ST6GALNAC5: variants seen among roughly 807,000 people sequenced by gnomAD.
ST6GALNAC5 encodes the protein alpha-N-acetylgalactosaminide alpha-2,6-sialyltransferase 5.
A neutral mutation model predicts 33.6 loss-of-function variants in ST6GALNAC5; 27 were observed. The ratio of observed to expected loss-of-function variants is 0.80; its 90% confidence interval spans 0.59 to 1.11. The LOEUF (loss-of-function observed/expected upper bound fraction) is 1.11, where lower values mean the gene tolerates loss of function less well. ST6GALNAC5 is among the 50% of genes least tolerant of loss of function. The probability of loss-of-function intolerance (pLI) is 0.00; values close to 1 mark genes in which losing one functional copy is unlikely to be tolerated. For synonymous variants in ST6GALNAC5, 194 were observed against 171.2 expected, an observed-to-expected ratio of 1.13 and a Z score of -1.04; for missense variants, 428 against 454.0, an observed-to-expected ratio of 0.94 and a Z score of 0.52.
At chr1:76,914,190 G>C (rs941639608) in intron 2 of ST6GALNAC5, among the ~76,000 whole-genome samples, 2 of 152,090 alleles carry the variant, frequency 1.3e-5, no homozygotes, top group African/African-American at 4.8e-5. Context: ...AAATCAAAGA[G>C]GATACAAACA....
intron 2 of ST6GALNAC5, among the ~76,000 whole-genome samples, chr1:76,965,623 T>C (rs1023539649): frequency 5.9e-5 from 9 of 152,364 alleles, no homozygotes; most frequent in Middle Eastern, 3.4e-3. Context: ...TAGATCCCAT[T>C]TATCCAGTTT....
Position 76,966,081 on chromosome 1 carries a change from G to A in ST6GALNAC5, c.262-78123G>A, listed in dbSNP as rs78889415. 7.5e-3 allele frequency among the ~76,000 whole-genome samples: 1,138 copies of A among 152,254 alleles called. 11 individuals carry two copies. The highest frequency in any genetic ancestry group is 0.013 in the Non-Finnish European group (871 of 68,010). On this transcript the variant is annotated intron_variant, in intron 2 of 4. Transcript: ENST00000477717. ...GTTCTTTTTGCTTAGGATTGTCTTGGCAATGTGGGCTCCTTTTTGGATCCA... is the reference window on the plus strand; with the variant it reads ...GTTCTTTTTGCTTAGGATTGTCTTGACAATGTGGGCTCCTTTTTGGATCCA...
intron 3 of ST6GALNAC5, among the ~76,000 whole-genome samples, chr1:77,048,023 C>T (rs183712628): frequency 4.3e-4 from 65 of 152,214 alleles, no homozygotes; most frequent in Admixed American, 6.5e-4. Flanking sequence ...AGCACGTGAC[C>T]CCAGAAGGCT....
At chr1:77,044,139 T>C (rs748268089) in intron 2 of ST6GALNAC5, 65 bp from the exon 3 acceptor site, 3 of 1,505,866 alleles carry the variant, frequency 2.0e-6, no homozygotes, top group Admixed American at 2.2e-5. Flanking sequence ...GGAAGTAGCC[T>C]GCTGGTGCTG....
chr1:77,054,490 G>C (rs561059027), intron 4 of ST6GALNAC5, among the ~76,000 whole-genome samples: 19 of 152,302 alleles, frequency 1.2e-4, no homozygotes, highest in African/African-American at 4.6e-4. Context: ...ACAACCTCTG[G>C]TCTAAGACAC....
intron 2 of ST6GALNAC5, among the ~76,000 whole-genome samples, chr1:76,888,501 G>A (rs1182574344): frequency 2.0e-5 from 3 of 152,252 alleles, no homozygotes; most frequent in Non-Finnish European, 2.9e-5. Context: ...CCTTTTAAGA[G>A]TCATGTTTAG....
At chr1:76,986,644 C>G (rs1194874242) in intron 2 of ST6GALNAC5, among the ~76,000 whole-genome samples, 1 of 152,128 alleles carries the variant, frequency 6.6e-6, no homozygotes, top group Non-Finnish European at 1.5e-5. Context: ...CCATTTGACC[C>G]AGCAATCCCA....
At chr1:76,976,005 G>A (rs1648995309) in intron 2 of ST6GALNAC5, among the ~76,000 whole-genome samples, 1 of 152,132 alleles carries the variant, frequency 6.6e-6, no homozygotes, top group Admixed American at 6.5e-5. Context: ...TGAGGCACAA[G>A]AATAGCTTGA....
At chr1:76,899,879 G>A (rs193047844) in intron 2 of ST6GALNAC5, among the ~76,000 whole-genome samples, 2 of 152,310 alleles carry the variant, frequency 1.3e-5, no homozygotes, top group Admixed American at 6.5e-5. Flanking sequence ...CGGAGGACCA[G>A]AGGTTGTAGG....
chr1:77,061,210 T>A (rs1652563721), intron 4 of ST6GALNAC5, among the ~76,000 whole-genome samples: 1 of 152,192 alleles, frequency 6.6e-6, no homozygotes, highest in African/African-American at 2.4e-5. Flanking sequence ...TGCAAAGTGT[T>A]AATTCAGCAT....
intron 2 of ST6GALNAC5, among the ~76,000 whole-genome samples, chr1:76,878,570 C>T (rs148965355): frequency 8.5e-5 from 13 of 152,174 alleles, no homozygotes; most frequent in African/African-American, 3.1e-4. Context: ...CTGGCGATCT[C>T]CTGGGGAAAG....
chr1:77,043,111 G>A (rs1003540395), intron 2 of ST6GALNAC5, among the ~76,000 whole-genome samples: 12 of 152,218 alleles, frequency 7.9e-5, no homozygotes, highest in African/African-American at 2.2e-4. Context: ...GGAAGCCAGC[G>A]TGTCCTGTTC....
intron 2 of ST6GALNAC5, among the ~76,000 whole-genome samples, chr1:77,005,266 G>A (rs1287754114): frequency 6.6e-6 from 1 of 152,202 alleles, no homozygotes; most frequent in East Asian, 1.9e-4. Flanking sequence ...AGGTGCGTCT[G>A]TCACCCCTTT....
intron 2 of ST6GALNAC5, among the ~76,000 whole-genome samples, chr1:76,999,190 T>A (rs557364423): frequency 6.6e-6 from 1 of 152,314 alleles, no homozygotes; most frequent in East Asian, 1.9e-4. Context: ...GGGATTTCCC[T>A]TGTAGCGTGT....
chr1:76,885,930 G>A (rs1488670741), intron 2 of ST6GALNAC5, among the ~76,000 whole-genome samples: 1 of 152,160 alleles, frequency 6.6e-6, no homozygotes, highest in African/African-American at 2.4e-5. Context: ...TAGCTACTTG[G>A]AGGGTATGGC....
At chr1:77,059,899 T>C (rs1652520478) in intron 4 of ST6GALNAC5, among the ~76,000 whole-genome samples, 1 of 152,198 alleles carries the variant, frequency 6.6e-6, no homozygotes, top group South Asian at 2.1e-4. Flanking sequence ...CATGGATATT[T>C]ATTTTATTTT....
intron 2 of ST6GALNAC5, among the ~76,000 whole-genome samples, chr1:77,039,995 A>T (rs1164447945): frequency 6.6e-6 from 1 of 152,166 alleles, no homozygotes; most frequent in Non-Finnish European, 1.5e-5. Context: ...AGGAATCTTG[A>T]CTCACCAAGG....
chr1:77,007,688 G>A (rs972060894), intron 2 of ST6GALNAC5, among the ~76,000 whole-genome samples: 1 of 152,254 alleles, frequency 6.6e-6, no homozygotes, highest in African/African-American at 2.4e-5. Context: ...AATGCCAGAA[G>A]GCAGATGCAA....
chr1:76,952,825 C>T (rs1570702960), intron 2 of ST6GALNAC5, among the ~76,000 whole-genome samples: 1 of 152,210 alleles, frequency 6.6e-6, no homozygotes, highest in East Asian at 1.9e-4. Context: ...CATAAAGGAA[C>T]ACCCTCCCTG....
Sources: allele counts gnomAD v4.1 joint callset (sites outside exome capture counted in the v4.1 genomes callset), GRCh38; gene constraint gnomAD v4.1.1; transcripts MANE v1.5; gene names NCBI Gene and HGNC (gene_info 2026-07-23, HGNC 2026-07-21).